Variants in SPAG1 observed in about 807,000 individuals in gnomAD.
The protein encoded by SPAG1 is sperm associated antigen 1, also known as sperm-associated antigen 1.
In SPAG1, 69 loss-of-function variants were observed where a neutral mutation model predicts 100.5. That is an observed-to-expected ratio of 0.69 (90% CI 0.57 to 0.84). SPAG1 has a LOEUF of 0.84. Ranked by LOEUF, SPAG1 falls within the 40% of genes least tolerant of loss-of-function variation. The pLI is 0.00. For synonymous variants in SPAG1, 336 were observed against 411.6 expected (o/e 0.82, Z 2.22); for missense variants, 955 against 1,133.1 (o/e 0.84, Z 2.26).
At chr8:100,206,016 T>C (rs1817493147) in intron 10 of SPAG1, among the ~76,000 whole-genome samples, 1 of 19,982 alleles carries the variant, frequency 5.0e-5, no homozygotes, top group Non-Finnish European at 8.6e-5. Context: ...AGACTCTGTC[T>C]CAAAAAAAAA....
chr8:100,191,251 A>G (rs889952740), intron 8 of SPAG1, 139 bp from the exon 9 acceptor site: 1 of 593,392 alleles, frequency 1.7e-6, no homozygotes, highest in Non-Finnish European at 3.0e-6. Context: ...GTGTATCAAC[A>G]TGAAAAAGGG....
At chr8:100,207,999 C>T (rs1817577731) in intron 10 of SPAG1, among the ~76,000 whole-genome samples, 1 of 152,194 alleles carries the variant, frequency 6.6e-6, no homozygotes, top group African/African-American at 2.4e-5. Flanking sequence ...CCCCCCATAG[C>T]CAGGATTCAT....
intron 3 of SPAG1, among the ~76,000 whole-genome samples, chr8:100,174,970 C>CT (rs71274961): frequency 3.6e-4 from 49 of 136,344 alleles, no homozygotes; most frequent in Middle Eastern, 7.6e-3. Context: ...TATTTCATGG[C>CT]TTTTTTTTTT....
At chr8:100,202,866 T>C (rs145370307) in intron 10 of SPAG1, among the ~76,000 whole-genome samples, 3 of 151,586 alleles carry the variant, frequency 2.0e-5, no homozygotes, top group African/African-American at 7.3e-5. Flanking sequence ...AGTTTTGAAA[T>C]CCAGAAGAGT....
intron 10 of SPAG1, 139 bp downstream of exon 10, chr8:100,194,407 G>C: frequency 8.0e-7 from 1 of 1,250,794 alleles, no homozygotes; most frequent in South Asian, 1.4e-5. Context: ...AGCCAGTTTC[G>C]CTCATCTTTT....
At chr8:100,174,178 G>T (rs1816003031) in intron 3 of SPAG1, among the ~76,000 whole-genome samples, 1 of 152,074 alleles carries the variant, frequency 6.6e-6, no homozygotes, top group Admixed American at 6.5e-5. Flanking sequence ...GTCTATCGTT[G>T]ACTGAAAGCC....
chr8:100,225,372 G>T (rs761861528), intron 14 of SPAG1, 33 bp downstream of exon 14: 1 of 1,598,794 alleles, frequency 6.3e-7, no homozygotes, highest in Non-Finnish European at 8.6e-7. Context: ...TCTTCTCAAG[G>T]TTACCTTGAG....
rs1176623452 is a variant in SPAG1 at position 100,165,944 on chromosome 8, G to A, written c.271G>A (p.Glu91Lys). 1 of 1,613,568 alleles carries A rather than the reference G, an allele frequency of 6.2e-7. No individual in the cohort carries two copies. The highest frequency in any genetic ancestry group is 1.7e-5 in the Admixed American group (1 of 59,826). ...AATAASFTAEEWEKIDGDIKS... is the reference protein window; with the variant it reads ...AATAASFTAEKWEKIDGDIKS... Reference sequence around the variant, plus strand: ...AACAGCAGCCAGTTTTACAGCTGAAGAATGGGAAAAAATTGATGGTGATAT... The same window carrying A: ...AACAGCAGCCAGTTTTACAGCTGAAAAATGGGAAAAAATTGATGGTGATAT... Residue 91 changes from glutamate (E) to lysine (K), a missense_variant, in exon 3 of 19, where the codon GAA becomes AAA. By Grantham distance (56) the Glu-to-Lys change is moderately conservative. Coordinates refer to ENST00000388798, the MANE Select transcript of SPAG1 (RefSeq NM_003114.5).
chr8:100,227,993 T>C (rs1156878170), intron 14 of SPAG1, among the ~76,000 whole-genome samples: 1 of 151,906 alleles, frequency 6.6e-6, no homozygotes, highest in Non-Finnish European at 1.5e-5. Context: ...TACAGGTGTG[T>C]GCCACCGTGT....
chr8:100,183,364 T>C lies in SPAG1; in HGVS notation c.427-11T>C. The C allele has an allele frequency of 1.7e-6, 2 of 1,182,464 alleles. No individual in the cohort carries two copies. Among genetic ancestry groups the C allele is most frequent in the Non-Finnish European group, 2.5e-6 (2 of 804,070 alleles). The allele number at this position is 1,182,464 out of a possible 1,614,324, so 73.2% of individuals were successfully genotyped here. On this transcript the variant is annotated splice_polypyrimidine_tract_variant and intron_variant, in intron 4 of 18. Transcript: ENST00000388798. The stretch of plus-strand genomic sequence containing the variant: ...AAATATGTCTCATAAAATATGATTT[T>C]ATTCTTTTAGGAAAAATATTCTAAA...
chr8:100,166,884 G>A (rs1815585420), intron 3 of SPAG1, among the ~76,000 whole-genome samples: 2 of 152,172 alleles, frequency 1.3e-5, no homozygotes. Flanking sequence ...TCCGGCCTGG[G>A]TGACAGAGTG....
Position 100,162,161 on chromosome 8 carries a change from T to G in SPAG1, c.-2-118T>G. 3.8e-6 allele frequency: 3 copies of G among 781,466 alleles called. No individual in the cohort carries two copies. The East Asian group carries it at 8.8e-5, about 23-fold the overall frequency. 48.4% of individuals were successfully genotyped at this position (781,466 alleles called of 1,614,324 possible). A position where few individuals can be genotyped will look rare whatever the true frequency, so the allele number is the denominator to read the frequency against. ...CTGGGCAACATAGGGAGACTCTGTC[T>G]CTACAAAAAATTTTTAAAAATTCAA... On this transcript the variant is annotated intron_variant, in intron 1 of 18. Transcript: ENST00000388798.
At chr8:100,165,201 T>TA in intron 2 of SPAG1, 1 of 494,396 alleles carries the variant, frequency 2.0e-6, no homozygotes, top group Non-Finnish European at 4.1e-6. Context: ...AAGGTAATTG[T>TA]ATGTTCCAAG....
Position 100,201,407 on chromosome 8 carries a change from G to A in SPAG1, c.1096+7139G>A, listed in dbSNP as rs1817270824. On this transcript the variant is annotated intron_variant, in intron 10 of 18. Coordinates refer to ENST00000388798, the MANE Select transcript of SPAG1 (RefSeq NM_003114.5). ...CCCAAAGTGCTGGGATTACAGGCAT[G>A]AGCCACTATGCCTGGGCAACTCCTG... 2.6e-5 allele frequency among the ~76,000 whole-genome samples: 4 copies of A among 152,110 alleles called. No homozygotes were observed. The South Asian group carries it at 8.3e-4, about 32-fold the overall frequency.
chr8:100,220,771 A>T (rs1267920194), intron 13 of SPAG1, among the ~76,000 whole-genome samples: 1 of 152,208 alleles, frequency 6.6e-6, no homozygotes, highest in Non-Finnish European at 1.5e-5. Context: ...TTACATAGAT[A>T]TCATAAAATC....
intron 3 of SPAG1, among the ~76,000 whole-genome samples, chr8:100,173,998 T>C (rs1022352727): frequency 1.2e-4 from 19 of 152,168 alleles, no homozygotes; most frequent in Non-Finnish European, 1.9e-4. Flanking sequence ...GGAAGTATGT[T>C]CCAGATAGTG....
At chr8:100,211,862 G>T (rs138738663) in intron 10 of SPAG1, among the ~76,000 whole-genome samples, 1 of 152,270 alleles carries the variant, frequency 6.6e-6, no homozygotes, top group Non-Finnish European at 1.5e-5. Context: ...GCATTGGTCA[G>T]ACCCGAGGGG....
intron 10 of SPAG1, among the ~76,000 whole-genome samples, chr8:100,206,274 T>C (rs1817514446): frequency 6.6e-6 from 1 of 152,158 alleles, no homozygotes; most frequent in Non-Finnish European, 1.5e-5. Flanking sequence ...TTGGCAAATG[T>C]CTTTTTCTCC....
At chr8:100,171,656 A>G (rs1815857887) in intron 3 of SPAG1, among the ~76,000 whole-genome samples, 2 of 152,172 alleles carry the variant, frequency 1.3e-5, no homozygotes, top group African/African-American at 4.8e-5. Flanking sequence ...CAGCAAGACC[A>G]CAGGGTTCTG....
Sources: gnomAD v4.1 joint callset for allele counts (sites outside exome capture counted in the v4.1 genomes callset) on GRCh38, gnomAD v4.1.1 for gene constraint, MANE v1.5 for transcripts, NCBI Gene and HGNC (gene_info 2026-07-23, HGNC 2026-07-21) for gene names.